The following MAGED1 variants were observed in gnomAD, a reference collection of about 807,000 sequenced individuals.
MAGED1 encodes the protein melanoma-associated antigen D1.
Under a neutral mutation model 54.1 loss-of-function variants are expected in MAGED1, and 3 were observed. The ratio of observed to expected loss-of-function variants is 0.06; its 90% CI spans 0.03 to 0.14. The LOEUF (loss-of-function observed/expected upper bound fraction) is 0.14, where lower values mean the gene tolerates loss of function less well. MAGED1 is among the 10% of genes least tolerant of loss of function. MAGED1 has a pLI of 1.00. For missense variants in MAGED1, 485 were observed against 623.4 expected (o/e 0.78, Z 2.36); for synonymous variants, 217 against 227.3 (o/e 0.95, Z 0.41).
Position 51,843,683 on chromosome X carries a change from T to A in MAGED1, c.-37+40566T>A, listed in dbSNP as rs1015537602. 1.9e-4 allele frequency among the ~76,000 whole-genome samples: 21 copies of A among 111,919 alleles called. No homozygotes were observed. In the Admixed American group the frequency reaches 2.0e-3, roughly 11 times the overall value. ...TTTTAGCTACTAAGTTTTTGGTAAT[T>A]TTTTTATATTAGCAGTAAGAAACCA... On this transcript the variant is annotated intron_variant, in intron 1 of 12. Transcript: ENST00000375772.
intron 1 of MAGED1, among the ~76,000 whole-genome samples, chrX:51,843,623 T>C (rs782607302): frequency 8.9e-6 from 1 of 112,010 alleles, no homozygotes; most frequent in East Asian, 2.8e-4. Context: ...TTAGACTTTT[T>C]ACCTCCAGAA....
At chrX:51,816,669 A>G (rs1925440231) in intron 1 of MAGED1, among the ~76,000 whole-genome samples, 1 of 110,558 alleles carries the variant, frequency 9.0e-6, no homozygotes, top group Admixed American at 9.7e-5. Flanking sequence ...TGATGAAATC[A>G]CCTAATGACA....
intron 1 of MAGED1, among the ~76,000 whole-genome samples, chrX:51,844,725 A>G (rs1926621015): frequency 9.0e-6 from 1 of 111,720 alleles, no homozygotes; most frequent in Non-Finnish European, 1.9e-5. Context: ...CTAAGCCAGG[A>G]ATAGAGATGG....
Position 51,897,063 on chromosome X carries a change from C to A in MAGED1, c.1408C>A (p.Leu470Ile). The A allele has an allele frequency of 8.3e-7, 1 of 1,210,977 alleles. No homozygotes were observed. Among genetic ancestry groups the A allele is most frequent in the Non-Finnish European group, 1.1e-6 (1 of 894,896 alleles). The change falls in exon 4 of 13, where the codon CTT becomes ATT. Residue 470 changes from leucine (L) to isoleucine (I), a missense_variant. Leu to Ile is a conservative substitution (Grantham distance 5). Around this residue, in one of 2 missense-constraint regions of MAGED1, gnomAD observed 186 missense variants for 330.3 expected, o/e 0.56. Transcript: ENST00000326587. ...TGCTGCACAGCCCCGAGATGTGGCCCTTCTTCAGGAAAGAGTAAGAGCTGT... is the reference window on the plus strand; with the variant it reads ...TGCTGCACAGCCCCGAGATGTGGCCATTCTTCAGGAAAGAGTAAGAGCTGT... ...PGAAQPRDVA[L>I]LQERANKLVK...
At chrX:51,816,610 T>C (rs1303891480) in intron 1 of MAGED1, among the ~76,000 whole-genome samples, 1 of 111,320 alleles carries the variant, frequency 9.0e-6, no homozygotes, top group Non-Finnish European at 1.9e-5. Context: ...TGTAGTAGTG[T>C]ATACCATCTA....
chrX:51,856,256 ATTTG>A (rs1927079286), intron 1 of MAGED1, among the ~76,000 whole-genome samples: 1 of 112,114 alleles, frequency 8.9e-6, no homozygotes, highest in African/African-American at 3.2e-5. Flanking sequence ...ATATCTGACT[ATTTG>A]TTTGGAATAG....
At position 51,898,566 on chromosome X, in the gene MAGED1, T is replaced by G. The variant is rs370893769; in HGVS notation, c.1782-15T>G. On this transcript the variant is annotated splice_polypyrimidine_tract_variant and intron_variant, in intron 9 of 12. Coordinates refer to ENST00000326587, the MANE Select transcript of MAGED1 (RefSeq NM_006986.4). ...TAATAGCCTCTGATTGTGGGTTTCC[T>G]TTTTTTACCTTCAGGGTGAGACATC... The G allele has an allele frequency of 2.5e-6, 3 of 1,190,225 alleles. No homozygotes were observed. The highest frequency in any genetic ancestry group is 1.8e-5 in the African/African-American group (1 of 56,426).
At chrX:51,864,671 T>G (rs1002827997) in intron 1 of MAGED1, among the ~76,000 whole-genome samples, 6 of 111,819 alleles carry the variant, frequency 5.4e-5, no homozygotes, top group African/African-American at 1.9e-4. Flanking sequence ...ATCTTTTACC[T>G]CCTTGGTTAA....
At chrX:51,861,700 T>C (rs1927284332) in intron 1 of MAGED1, among the ~76,000 whole-genome samples, 1 of 111,842 alleles carries the variant, frequency 8.9e-6, no homozygotes, top group Non-Finnish European at 1.9e-5. Context: ...ATATTTATAT[T>C]TGAGGCAGAG....
chrX:51,841,882 T>C (rs1248949012), intron 1 of MAGED1, among the ~76,000 whole-genome samples: 1 of 112,007 alleles, frequency 8.9e-6, no homozygotes, highest in Non-Finnish European at 1.9e-5. Flanking sequence ...TGCCTCCAGC[T>C]TTATTCTTTT....
chrX:51,878,774 G>C (rs1036665223), intron 1 of MAGED1, among the ~76,000 whole-genome samples: 5 of 111,555 alleles, frequency 4.5e-5, no homozygotes, highest in Non-Finnish European at 9.4e-5. Context: ...AAATAAAGAA[G>C]ATAAAATCAA....
intron 1 of MAGED1, among the ~76,000 whole-genome samples, chrX:51,832,996 T>C (rs1185824380): frequency 8.9e-6 from 1 of 111,931 alleles, no homozygotes; most frequent in East Asian, 2.8e-4. Context: ...CAATCTTATG[T>C]AGTCCAACGT....
chrX:51,821,919 T>C (rs2146957421), intron 1 of MAGED1, among the ~76,000 whole-genome samples: 1 of 112,267 alleles, frequency 8.9e-6, no homozygotes, highest in African/African-American at 3.2e-5. Context: ...AGCTTTTTAT[T>C]TCTGGAATAG....
chrX:51,880,143 C>T (rs1208360635), intron 1 of MAGED1, among the ~76,000 whole-genome samples: 4 of 112,142 alleles, frequency 3.6e-5, no homozygotes, highest in Non-Finnish European at 5.6e-5. Context: ...GACAGCCTCA[C>T]GGAGGTTAAT....
At chrX:51,808,466 T>C (rs1378232144) in intron 1 of MAGED1, among the ~76,000 whole-genome samples, 1 of 112,192 alleles carries the variant, frequency 8.9e-6, no homozygotes, top group Non-Finnish European at 1.9e-5. Context: ...CCCAGCACTT[T>C]GGGAGGCCGA....
At chrX:51,899,014 TAAAAG>T (rs1398375992) in intron 10 of MAGED1, 15 of 142,129 alleles carry the variant, frequency 1.1e-4, no homozygotes, top group Admixed American at 8.5e-4. Flanking sequence ...TCAAAAAAAA[TAAAAG>T]AAAGCCCTTC....
At chrX:51,808,474 C>T (rs1201283539) in intron 1 of MAGED1, among the ~76,000 whole-genome samples, 1 of 111,608 alleles carries the variant, frequency 9.0e-6, no homozygotes, top group African/African-American at 3.3e-5. Context: ...TTTGGGAGGC[C>T]GAGGTGGGAG....
chrX:51,881,406 TTTTTC>T (rs1557362469), intron 1 of MAGED1, among the ~76,000 whole-genome samples: 1 of 103,370 alleles, frequency 9.7e-6, no homozygotes, highest in Non-Finnish European at 2.0e-5. Context: ...TTGCTTTTTC[TTTTTC>T]TTTTCTTTTC....
At chrX:51,819,716 C>G (rs1925554256) in intron 1 of MAGED1, among the ~76,000 whole-genome samples, 1 of 111,178 alleles carries the variant, frequency 9.0e-6, no homozygotes, top group African/African-American at 3.3e-5. Flanking sequence ...CTAACAGATA[C>G]ATGATTTTCA....
Sources: gnomAD v4.1 joint callset for allele counts (sites outside exome capture counted in the v4.1 genomes callset) on GRCh38, gnomAD v4.1.1 for gene constraint, gnomAD v4.1.1 regional missense constraint, MANE v1.5 for transcripts, NCBI Gene and HGNC (gene_info 2026-07-23, HGNC 2026-07-21) for gene names.